The following NUP205 variants were observed in gnomAD, a reference collection of about 807,000 sequenced individuals.
The protein encoded by NUP205 is nucleoporin 205.
A neutral mutation model predicts 253.8 loss-of-function variants in NUP205; 76 were observed. That is an observed-to-expected ratio of 0.30 (90% CI 0.25 to 0.36). The LOEUF (loss-of-function observed/expected upper bound fraction) is 0.36. Ranked by LOEUF, NUP205 falls within the 10% of genes least tolerant of loss-of-function variation. NUP205 has a pLI of 1.00. For synonymous variants in NUP205, 832 were observed against 850.1 expected (o/e 0.98, Z 0.37); for missense variants, 2,162 against 2,425.5 (o/e 0.89, Z 2.28).
intron 2 of NUP205, among the ~76,000 whole-genome samples, chr7:135,573,151 T>A (rs1048645724): frequency 1.4e-4 from 22 of 152,190 alleles, no homozygotes; most frequent in African/African-American, 5.1e-4. Flanking sequence ...AACCTTTAAG[T>A]TCCGAAACTT....
In NUP205 at chr7:135,633,501, T is replaced by A. The variant is rs372911341; in HGVS notation, c.5060-2080T>A. On this transcript the variant is annotated intron_variant, in intron 35 of 42. Coordinates refer to ENST00000285968, the MANE Select transcript of NUP205 (RefSeq NM_015135.3). ...TAAACAGTGTGGCATTTAATAATTT[T>A]GTGTGTATATGTGTGTGTGTACTTA... 2.6e-5 allele frequency among the ~76,000 whole-genome samples: 4 copies of A among 152,364 alleles called. No homozygotes were observed. The East Asian group carries it at 7.7e-4, about 29-fold the overall frequency.
chr7:135,566,566 A>C (rs923880531), intron 1 of NUP205, among the ~76,000 whole-genome samples: 2 of 152,170 alleles, frequency 1.3e-5, no homozygotes, highest in Admixed American at 1.3e-4. Flanking sequence ...TGTCTATGTA[A>C]GGAAGATCTA....
intron 36 of NUP205, among the ~76,000 whole-genome samples, chr7:135,637,367 C>T (rs1794828818): frequency 6.6e-6 from 1 of 152,216 alleles, no homozygotes; most frequent in African/African-American, 2.4e-5. Flanking sequence ...CTTGTCCTTT[C>T]TCTTTGAGAA....
Position 135,625,198 on chromosome 7 carries a change from C to A in NUP205, c.4514C>A (p.Ser1505Tyr). 1 of 1,613,766 alleles carries A rather than the reference C, an allele frequency of 6.2e-7. No homozygotes were observed. Among genetic ancestry groups the A allele is most frequent in the East Asian group, 2.2e-5 (1 of 44,862 alleles). Residue 1505 changes from serine (S) to tyrosine (Y), a missense_variant, in exon 32 of 43, where the codon TCC becomes TAC. Coordinates refer to ENST00000285968, the MANE Select transcript of NUP205 (RefSeq NM_015135.3). ...LALALLDRIV[S>Y]VDKQQQWLLY... is the part of the protein sequence containing the mutation. ...CTGGCTCTACTTGATAGAATTGTCTCCGTGGATAAACAGCAGCAGTGGCTT... is the reference window on the plus strand; with the variant it reads ...CTGGCTCTACTTGATAGAATTGTCTACGTGGATAAACAGCAGCAGTGGCTT...
chr7:135,606,335 A>G (rs1166280484), intron 20 of NUP205, 109 bp downstream of exon 20: 10 of 761,908 alleles, frequency 1.3e-5, no homozygotes, highest in African/African-American at 3.5e-5. Context: ...TGTAAGAGGA[A>G]TTGAGAATTT....
At chr7:135,645,739 T>A in intron 41 of NUP205, 143 bp downstream of exon 41, 4 of 740,962 alleles carry the variant, frequency 5.4e-6, no homozygotes, top group Non-Finnish European at 8.7e-6. Context: ...TAGACGTAGC[T>A]ATTTCTTGCA....
intron 1 of NUP205, among the ~76,000 whole-genome samples, chr7:135,568,367 C>G (rs1805843644): frequency 6.6e-6 from 1 of 151,514 alleles, no homozygotes; most frequent in Non-Finnish European, 1.5e-5. Flanking sequence ...GAGTCTCACT[C>G]TGTCACCCAG....
rs995797365 is a variant in NUP205 at position 135,577,735 on chromosome 7, T to C, written c.649-61T>C. The C allele has an allele frequency of 1.0e-5, 13 of 1,275,800 alleles. No homozygotes were observed. In the African/African-American group the frequency reaches 1.8e-4, roughly 17 times the overall value. 79.0% of individuals were successfully genotyped at this position (1,275,800 alleles called of 1,614,324 possible). A position where few individuals can be genotyped will look rare whatever the true frequency, so the allele number is the denominator to read the frequency against. ...CCTTTGTAAAAGGTAGTTTGTACTT[T>C]GGAATAAGACCAGGCTTCACTGTAA... On this transcript the variant is annotated intron_variant, in intron 5 of 42. Coordinates refer to ENST00000285968, the MANE Select transcript of NUP205 (RefSeq NM_015135.3).
At chr7:135,632,131 G>T (rs61360007) in intron 35 of NUP205, among the ~76,000 whole-genome samples, 2 of 152,070 alleles carry the variant, frequency 1.3e-5, no homozygotes, top group African/African-American at 4.8e-5. Flanking sequence ...CTCTAAGAAT[G>T]TCTGAAGGTT....
At chr7:135,627,699 T>C (rs559291739) in intron 33 of NUP205, among the ~76,000 whole-genome samples, 21 of 152,198 alleles carry the variant, frequency 1.4e-4, no homozygotes, top group Non-Finnish European at 2.6e-4. Flanking sequence ...TAAAAATGTT[T>C]TGGAAGTTTC....
At chr7:135,581,654 C>A (rs1806307198) in intron 7 of NUP205, among the ~76,000 whole-genome samples, 1 of 151,954 alleles carries the variant, frequency 6.6e-6, no homozygotes, top group South Asian at 2.1e-4. Context: ...GAGTTCAAGA[C>A]CAGACTGGCG....
chr7:135,626,457 TC>T, intron 33 of NUP205, 96 bp downstream of exon 33: 1 of 1,351,742 alleles, frequency 7.4e-7, no homozygotes, highest in Non-Finnish European at 1.0e-6. Flanking sequence ...TTAGCAATTC[TC>T]TTTCATCTTG....
chr7:135,628,684 T>C (rs1794645091), intron 34 of NUP205, among the ~76,000 whole-genome samples: 1 of 152,254 alleles, frequency 6.6e-6, no homozygotes, highest in South Asian at 2.1e-4. Context: ...ATATGTAATT[T>C]AGCCTTTCAC....
At chr7:135,580,588 G>A (rs1052368426) in intron 7 of NUP205, among the ~76,000 whole-genome samples, 1 of 151,950 alleles carries the variant, frequency 6.6e-6, no homozygotes, top group African/African-American at 2.4e-5. Flanking sequence ...TCAGCCTCCG[G>A]AGTACCTGGG....
chr7:135,619,288 G>A, intron 28 of NUP205, 135 bp from the exon 29 acceptor site: 1 of 893,244 alleles, frequency 1.1e-6, no homozygotes, highest in Non-Finnish European at 1.7e-6. Flanking sequence ...GCTGAAGTGA[G>A]CTGAGATTAT....
chr7:135,586,231 C>T (rs1315071961), intron 8 of NUP205, among the ~76,000 whole-genome samples: 1 of 151,786 alleles, frequency 6.6e-6, no homozygotes, highest in East Asian at 1.9e-4. Context: ...TAAATTTGCC[C>T]TTAGGATTCT....
chr7:135,578,942 A>G lies in NUP205; in HGVS notation c.1042+27A>G, dbSNP rs747957149. On this transcript the variant is annotated intron_variant, in intron 7 of 42. Transcript: ENST00000285968. Reference sequence around the variant, plus strand: ...TGAATTGATTGTAGGTAATTTTGTTATGAGAAACAGCATGTTAGCACTTAA... The same window carrying G: ...TGAATTGATTGTAGGTAATTTTGTTGTGAGAAACAGCATGTTAGCACTTAA... The G allele has an allele frequency of 9.0e-6, 14 of 1,556,464 alleles. No homozygotes were observed. In the South Asian group the frequency reaches 1.6e-4, roughly 18 times the overall value.
chr7:135,604,253 A>G (rs1794035613), intron 18 of NUP205, 87 bp from the exon 19 acceptor site: 3 of 1,133,802 alleles, frequency 2.6e-6, no homozygotes, highest in South Asian at 3.2e-5. Context: ...GGGCAGGGGA[A>G]GCCCTGGTTC....
intron 19 of NUP205, among the ~76,000 whole-genome samples, chr7:135,605,468 G>T (rs1264839025): frequency 6.6e-6 from 1 of 152,304 alleles, no homozygotes; most frequent in East Asian, 1.9e-4. Flanking sequence ...CTATCTGTCA[G>T]TAGTAACTTC....
Sources: allele counts gnomAD v4.1 joint callset (sites outside exome capture counted in the v4.1 genomes callset), GRCh38; gene constraint gnomAD v4.1.1; transcripts MANE v1.5; gene names NCBI Gene and HGNC (gene_info 2026-07-23, HGNC 2026-07-21).